The following RIMS1 variants were observed in gnomAD, a reference collection of about 807,000 sequenced individuals.
RIMS1 encodes the protein regulating synaptic membrane exocytosis protein 1.
RIMS1 carries 83 observed loss-of-function variants against 214.1 expected under a neutral mutation model. The ratio of observed to expected loss-of-function variants is 0.39; its 90% CI spans 0.32 to 0.47. The LOEUF (loss-of-function observed/expected upper bound fraction) is 0.47, where lower values mean the gene tolerates loss of function less well. RIMS1 is among the 20% of genes least tolerant of loss of function. RIMS1 has a pLI of 0.99. For missense variants in RIMS1, 2,050 were observed against 2,161.8 expected (o/e 0.95, Z 1.03); for synonymous variants, 793 against 786.8 (o/e 1.01, Z -0.13).
chr6:72,374,274 T>C (rs1365869168), intron 29 of RIMS1, among the ~76,000 whole-genome samples: 1 of 152,218 alleles, frequency 6.6e-6, no homozygotes, highest in Admixed American at 6.5e-5. Flanking sequence ...CCATTTCTTT[T>C]TATGTCCTAA....
At chr6:72,003,068 G>A (rs1228187294) in intron 2 of RIMS1, among the ~76,000 whole-genome samples, 1 of 152,130 alleles carries the variant, frequency 6.6e-6, no homozygotes, top group Non-Finnish European at 1.5e-5. Flanking sequence ...CAGATTATAA[G>A]AGAATTACCA....
chr6:72,132,810 A>AATATCTC (rs1345750817), intron 4 of RIMS1, among the ~76,000 whole-genome samples: 1 of 152,242 alleles, frequency 6.6e-6, no homozygotes. Context: ...GTAATGAAGT[A>AATATCTC]ATATCTCATT....
intron 1 of RIMS1, among the ~76,000 whole-genome samples, chr6:71,947,092 T>C (rs1788066041): frequency 6.6e-6 from 1 of 151,962 alleles, no homozygotes; most frequent in Admixed American, 6.6e-5. Flanking sequence ...CAGTGAGATA[T>C]CACTTTACAC....
At chr6:72,292,227 G>A (rs2154252812) in intron 26 of RIMS1, among the ~76,000 whole-genome samples, 181 bp downstream of exon 26, 1 of 152,238 alleles carries the variant, frequency 6.6e-6, no homozygotes, top group East Asian at 1.9e-4. Flanking sequence ...CATGCACTCA[G>A]TTTTTGCTGA....
chr6:72,060,095 C>T lies in RIMS1; in HGVS notation c.246-36854C>T, dbSNP rs148391961. Among the ~76,000 whole-genome samples, 104 of 151,796 alleles carry T rather than the reference C, an allele frequency of 6.9e-4. 2 individuals carry two copies. The East Asian group carries it at 0.019, about 27-fold the overall frequency. Reference sequence around the variant, plus strand: ...CTAGGATTACAGGGATGCACCACCACGGCCAGCTAATTTTGATTATTATTA... The same window carrying T: ...CTAGGATTACAGGGATGCACCACCATGGCCAGCTAATTTTGATTATTATTA... On this transcript the variant is annotated intron_variant, in intron 2 of 33. Coordinates refer to ENST00000521978, the MANE Select transcript of RIMS1 (RefSeq NM_014989.7).
chr6:71,944,215 G>A (rs1054187215), intron 1 of RIMS1, among the ~76,000 whole-genome samples: 3 of 152,136 alleles, frequency 2.0e-5, no homozygotes, highest in Admixed American at 6.6e-5. Flanking sequence ...GAGATGTTTA[G>A]TATTTAAAAA....
At chr6:71,990,888 A>G (rs1016833116) in intron 2 of RIMS1, among the ~76,000 whole-genome samples, 1 of 152,102 alleles carries the variant, frequency 6.6e-6, no homozygotes, top group African/African-American at 2.4e-5. Flanking sequence ...CTCAAATAAT[A>G]TCATCTATTG....
At chr6:72,067,242 T>C (rs1384584929) in intron 2 of RIMS1, among the ~76,000 whole-genome samples, 1 of 152,218 alleles carries the variant, frequency 6.6e-6, no homozygotes, top group Non-Finnish European at 1.5e-5. Context: ...CAATTTGTCA[T>C]TGATAATATG....
At chr6:72,312,058 C>CT (rs1400280492) in intron 27 of RIMS1, among the ~76,000 whole-genome samples, 1 of 152,178 alleles carries the variant, frequency 6.6e-6, no homozygotes, top group African/African-American at 2.4e-5. Context: ...AGACCTTTCT[C>CT]TAGGGTAATT....
chr6:72,125,988 G>A (rs1021467881), intron 4 of RIMS1, among the ~76,000 whole-genome samples: 1 of 152,192 alleles, frequency 6.6e-6, no homozygotes, highest in Non-Finnish European at 1.5e-5. Context: ...CCCTCCGTGG[G>A]CTGCACCCAC....
chr6:72,076,433 A>T (rs895017343), intron 2 of RIMS1, among the ~76,000 whole-genome samples: 1 of 152,120 alleles, frequency 6.6e-6, no homozygotes, highest in African/African-American at 2.4e-5. Flanking sequence ...TTTCTCTTCC[A>T]AGTATTATAT....
At chr6:72,189,482 T>C (rs564174099) in intron 6 of RIMS1, among the ~76,000 whole-genome samples, 1 of 152,326 alleles carries the variant, frequency 6.6e-6, no homozygotes, top group Admixed American at 6.5e-5. Context: ...GGCAGCAGCA[T>C]TGCATGCAGG....
intron 33 of RIMS1, among the ~76,000 whole-genome samples, chr6:72,399,317 TTCTTG>T (rs1410699538): frequency 2.0e-5 from 3 of 152,054 alleles, no homozygotes; most frequent in Admixed American, 1.3e-4. Flanking sequence ...TCTCTCTCTC[TTCTTG>T]TCTTTTCTCT....
At chr6:71,891,744 G>A (rs1257362752) in intron 1 of RIMS1, among the ~76,000 whole-genome samples, 1 of 152,146 alleles carries the variant, frequency 6.6e-6, no homozygotes, top group Non-Finnish European at 1.5e-5. Context: ...TAAATTAGAA[G>A]GAGAATATGG....
chr6:71,886,723 C>A lies in RIMS1; in HGVS notation c.-301C>A. The A allele has an allele frequency of 5.3e-6, 1 of 187,632 alleles. No individual in the cohort carries two copies. The highest frequency in any genetic ancestry group is 2.4e-5 in the African/African-American group (1 of 42,518). The allele number at this position is 187,632 out of a possible 1,614,324, so 11.6% of individuals were successfully genotyped here. A position where few individuals can be genotyped will look rare whatever the true frequency, so the allele number is the denominator to read the frequency against. On this transcript the variant is annotated 5_prime_UTR_variant, in exon 1 of 34. It adds an upstream start codon to the 5' untranslated region. Transcript: ENST00000521978. ...CTCGCCTCTCCCGCCGCGCCTCCGC[C>A]TGCCCGCCCCCGCCGGCCGAGGCTG...
Position 72,202,339 on chromosome 6 carries a change from G to A in RIMS1, c.1678+19190G>A, listed in dbSNP as rs2052140789. Among the ~76,000 whole-genome samples, 3 of 152,156 alleles carry A rather than the reference G, an allele frequency of 2.0e-5. No individual in the cohort carries two copies. The South Asian group carries it at 6.2e-4, about 32-fold the overall frequency. On this transcript the variant is annotated intron_variant, in intron 6 of 33. Coordinates refer to ENST00000521978, the MANE Select transcript of RIMS1 (RefSeq NM_014989.7). ...GTTGGTTCCTTTGGAGGAACCTGGG[G>A]AAGGATCTGTTCCAGGCCTTTCTCC...
chr6:72,182,855 C>A lies in RIMS1; in HGVS notation c.1384C>A (p.Pro462Thr), dbSNP rs541997223. The A allele has an allele frequency of 4.3e-5, 67 of 1,557,106 alleles. 3 individuals are homozygous for A. In the South Asian group the frequency reaches 5.4e-4, roughly 13 times the overall value. ...ACATGGGCCGGTTCCCGCAGAAGCC[C>A]CGGAGCTCAAAGCCCAGGAGCCCCT... ...PRHGPVPAEA[P>T]ELKAQEPLRK... The change falls in exon 6 of 34, where the codon CCG becomes ACG. Residue 462 changes from proline (P) to threonine (T), a missense_variant. Transcript: ENST00000521978.
chr6:72,260,632 A>C (rs537092051), intron 18 of RIMS1, 73 bp from the exon 19 acceptor site: 1 of 1,579,632 alleles, frequency 6.3e-7, no homozygotes, highest in East Asian at 2.3e-5. Context: ...TCATGTTTTC[A>C]TTGGCATACC....
intron 27 of RIMS1, among the ~76,000 whole-genome samples, 195 bp from the exon 28 acceptor site, chr6:72,313,311 A>C (rs1353147951): frequency 6.6e-6 from 1 of 152,194 alleles, no homozygotes; most frequent in East Asian, 1.9e-4. Flanking sequence ...TTCATAAGCC[A>C]TCTCTTACCA....
Sources: allele counts gnomAD v4.1 joint callset (sites outside exome capture counted in the v4.1 genomes callset), GRCh38; gene constraint gnomAD v4.1.1; transcripts MANE v1.5; gene names NCBI Gene and HGNC (gene_info 2026-07-23, HGNC 2026-07-21).